Variants in PLXDC2 observed in about 807,000 individuals in gnomAD.
PLXDC2 encodes plexin domain containing 2, also known as plexin domain-containing protein 2.
In PLXDC2, 40 loss-of-function variants were observed where a neutral mutation model predicts 68.9. The ratio of observed to expected loss-of-function variants is 0.58; its 90% CI spans 0.45 to 0.76. PLXDC2 has a LOEUF of 0.76. Ranked by LOEUF, PLXDC2 falls within the 30% of genes least tolerant of loss-of-function variation. PLXDC2 has a pLI of 0.00. For missense variants in PLXDC2, 644 were observed against 661.9 expected, an observed-to-expected ratio of 0.97 and a Z score of 0.30; for synonymous variants, 243 against 234.2, an observed-to-expected ratio of 1.04 and a Z score of -0.34.
chr10:20,238,377 T>C lies in PLXDC2; in HGVS notation c.1313-6968T>C, dbSNP rs1282585513. On this transcript the variant is annotated intron_variant, in intron 12 of 13. Coordinates refer to ENST00000377252, the MANE Select transcript of PLXDC2 (RefSeq NM_032812.9). ...AATATGTTCTCTTGGCCAGGTGCGG[T>C]GGCTCACACCCGTAATTCCAGCACT... Among the ~76,000 whole-genome samples, 9 of 151,066 alleles carry C rather than the reference T, an allele frequency of 6.0e-5. No individual in the cohort carries two copies. In the East Asian group the frequency reaches 1.8e-3, roughly 30 times the overall value.
At chr10:19,937,895 C>T (rs1419620432) in intron 1 of PLXDC2, among the ~76,000 whole-genome samples, 8 of 152,128 alleles carry the variant, frequency 5.3e-5, no homozygotes, top group African/African-American at 1.4e-4. Flanking sequence ...TAGGAGAACT[C>T]GTACCCCACT....
chr10:20,010,726 T>C (rs1003077853), intron 2 of PLXDC2, among the ~76,000 whole-genome samples: 1 of 152,204 alleles, frequency 6.6e-6, no homozygotes, highest in Admixed American at 6.5e-5. Context: ...TGTTTCAGGG[T>C]GAATAATATT....
chr10:20,106,437 A>T (rs561816570), intron 4 of PLXDC2, among the ~76,000 whole-genome samples: 4 of 152,062 alleles, frequency 2.6e-5, no homozygotes, highest in Non-Finnish European at 1.5e-5. Context: ...TTGAAAGATA[A>T]CTCTGACTGA....
intron 7 of PLXDC2, among the ~76,000 whole-genome samples, chr10:20,168,370 T>A (rs1433715917): frequency 1.3e-5 from 2 of 152,150 alleles, no homozygotes; most frequent in Non-Finnish European, 2.9e-5. Flanking sequence ...TTAAAGTTAC[T>A]GTTTTTTCCA....
intron 1 of PLXDC2, among the ~76,000 whole-genome samples, chr10:19,884,401 G>A (rs1837800333): frequency 6.6e-6 from 1 of 151,936 alleles, no homozygotes; most frequent in Admixed American, 6.6e-5. Context: ...TGTGCACAAT[G>A]TGCAGGTTAG....
chr10:19,950,813 A>G (rs1833979408), intron 1 of PLXDC2, among the ~76,000 whole-genome samples: 1 of 152,202 alleles, frequency 6.6e-6, no homozygotes, highest in South Asian at 2.1e-4. Flanking sequence ...ACATAGACCT[A>G]TACAACAGAC....
At chr10:19,827,360 C>T (rs1836591886) in intron 1 of PLXDC2, among the ~76,000 whole-genome samples, 1 of 152,108 alleles carries the variant, frequency 6.6e-6, no homozygotes, top group Non-Finnish European at 1.5e-5. Context: ...AGGTTCTTTC[C>T]TTTTCCAGAG....
At chr10:19,885,329 T>C (rs1020540015) in intron 1 of PLXDC2, among the ~76,000 whole-genome samples, 3 of 150,374 alleles carry the variant, frequency 2.0e-5, no homozygotes, top group Non-Finnish European at 4.5e-5. Context: ...TGGTAGTTTC[T>C]TTTGCTGTGC....
At chr10:19,886,120 T>A (rs1229575604) in intron 1 of PLXDC2, among the ~76,000 whole-genome samples, 2 of 152,156 alleles carry the variant, frequency 1.3e-5, no homozygotes, top group Admixed American at 1.3e-4. Context: ...GAAGCAATTG[T>A]GAATGGGATT....
At position 20,080,216 on chromosome 10, in the gene PLXDC2, T is replaced by C; in HGVS notation, c.541+11977T>C. On this transcript the variant is annotated intron_variant, in intron 4 of 13. Coordinates refer to ENST00000377252, the MANE Select transcript of PLXDC2 (RefSeq NM_032812.9). ...CTAAACAAACTGAAAATCAACAATT[T>C]CTATTAGACCCATGAGAGAGCTGAG... Among the ~76,000 whole-genome samples the C allele has an allele frequency of 2.0e-5, 3 of 152,276 alleles. No homozygotes were observed. The South Asian group carries it at 6.2e-4, about 32-fold the overall frequency.
chr10:20,011,033 GATGAAAATTATTATTTTCAAT>G (rs1298276422), intron 2 of PLXDC2, among the ~76,000 whole-genome samples: 2 of 152,190 alleles, frequency 1.3e-5, no homozygotes, highest in East Asian at 1.9e-4. Context: ...AACATACTCA[GATGAAAATTATTATTTTCAAT>G]ATGAAAATTA....
intron 2 of PLXDC2, among the ~76,000 whole-genome samples, chr10:20,024,198 A>G (rs1203098488): frequency 1.3e-5 from 2 of 152,174 alleles, no homozygotes; most frequent in East Asian, 1.9e-4. Flanking sequence ...TTTTCTTGTA[A>G]TAAAAAACTC....
intron 2 of PLXDC2, among the ~76,000 whole-genome samples, chr10:20,020,014 G>T (rs10827930): frequency 0.25 from 37,988 of 149,336 alleles, 5,108 homozygotes; most frequent in East Asian, 0.39. Context: ...TTCTTTTCTT[G>T]CTTTTTTTTT....
chr10:20,165,236 G>A (rs2131815731), intron 7 of PLXDC2, among the ~76,000 whole-genome samples: 1 of 152,204 alleles, frequency 6.6e-6, no homozygotes, highest in East Asian at 1.9e-4. Flanking sequence ...TTTGGCTTAA[G>A]TGTATGAGCA....
At chr10:19,929,912 G>A (rs1253135024) in intron 1 of PLXDC2, among the ~76,000 whole-genome samples, 2 of 152,174 alleles carry the variant, frequency 1.3e-5, no homozygotes, top group East Asian at 1.9e-4. Flanking sequence ...TATTCTGAAA[G>A]CACTGTGGTG....
chr10:20,277,016 C>A (rs1836015491), intron 13 of PLXDC2, among the ~76,000 whole-genome samples: 1 of 151,912 alleles, frequency 6.6e-6, no homozygotes, highest in Admixed American at 6.6e-5. Context: ...TCAAGACCAG[C>A]CTGGCCAAGA....
chr10:19,853,522 T>C (rs1046534355), intron 1 of PLXDC2, among the ~76,000 whole-genome samples: 27 of 152,130 alleles, frequency 1.8e-4, no homozygotes, highest in African/African-American at 6.5e-4. Flanking sequence ...TCTCAAAGTG[T>C]TGGGATTACA....
intron 1 of PLXDC2, among the ~76,000 whole-genome samples, chr10:19,936,319 A>G (rs1833722569): frequency 6.6e-6 from 1 of 152,126 alleles, no homozygotes; most frequent in Admixed American, 6.5e-5. Flanking sequence ...TTTATGCTTT[A>G]TGTCAGGGGT....
intron 12 of PLXDC2, among the ~76,000 whole-genome samples, chr10:20,229,215 T>C (rs1010905592): frequency 5.5e-4 from 84 of 151,404 alleles, no homozygotes; most frequent in Non-Finnish European, 8.9e-5. Flanking sequence ...GAGGGAGAAA[T>C]TGAGGGGGTT....
Sources: gnomAD v4.1 joint callset for allele counts (sites outside exome capture counted in the v4.1 genomes callset) on GRCh38, gnomAD v4.1.1 for gene constraint, MANE v1.5 for transcripts, NCBI Gene and HGNC (gene_info 2026-07-23, HGNC 2026-07-21) for gene names.